Variants in SCN3A observed in about 807,000 individuals in gnomAD.
SCN3A encodes the protein sodium channel protein type 3 subunit alpha.
A neutral mutation model predicts 187.6 loss-of-function variants in SCN3A; 60 were observed. That is an observed-to-expected ratio of 0.32 (90% CI 0.26 to 0.40). The LOEUF (loss-of-function observed/expected upper bound fraction) is 0.40, where lower values mean the gene tolerates loss of function less well. SCN3A is among the 10% of genes least tolerant of loss of function. The pLI is 1.00. For missense variants in SCN3A, 1,601 were observed against 2,428.2 expected (o/e 0.66, Z 7.16); for synonymous variants, 788 against 829.2 (o/e 0.95, Z 0.85).
At chr2:165,131,557 GT>G (rs1038123766) in intron 15 of SCN3A, 140 bp from the exon 16 acceptor site, 4 of 436,908 alleles carry the variant, frequency 9.2e-6, no homozygotes, top group Non-Finnish European at 1.6e-5. Context: ...TCAAGTCTTA[GT>G]TTTTTTATTT....
At chr2:165,170,332 C>T in intron 4 of SCN3A, 98 bp downstream of exon 4, 3 of 774,660 alleles carry the variant, frequency 3.9e-6, no homozygotes, top group Non-Finnish European at 6.9e-6. Context: ...TACCATTAAT[C>T]TCAAAGAAAT....
chr2:165,125,441 C>T (rs993222765), intron 18 of SCN3A, among the ~76,000 whole-genome samples: 8 of 151,986 alleles, frequency 5.3e-5, no homozygotes, highest in Admixed American at 1.3e-4. Flanking sequence ...GTAGCTGGGA[C>T]TACAGGTGCC....
Position 165,176,372 on chromosome 2 carries a change from G to T in SCN3A, c.23C>A (p.Pro8His). Residue 8 changes from proline to histidine, a missense_variant, in exon 3 of 28, where the codon CCC becomes CAC. Pro to His is a moderately conservative substitution (Grantham distance 77). Around this residue, in one of 11 missense-constraint regions of SCN3A, gnomAD observed 74 missense variants for 77.7 expected, o/e 0.95. Transcript: ENST00000283254. ...AAGGCGGAAGCTTTCAGGTCCTGGGGGTACCAACAGTGCCTGTGCCATCTT... is the reference window on the plus strand; with the variant it reads ...AAGGCGGAAGCTTTCAGGTCCTGGGTGTACCAACAGTGCCTGTGCCATCTT... MAQALLVPPGPESFRLFT... is the reference protein window; with the variant it reads MAQALLVHPGPESFRLFT... 1 of 1,613,958 alleles carries T rather than the reference G, an allele frequency of 6.2e-7. No individual in the cohort carries two copies. Among genetic ancestry groups the T allele is most frequent in the Non-Finnish European group, 8.5e-7 (1 of 1,179,950 alleles).
At chr2:165,167,482 C>G (rs1042128176) in intron 5 of SCN3A, among the ~76,000 whole-genome samples, 1 of 152,040 alleles carries the variant, frequency 6.6e-6, no homozygotes, top group East Asian at 1.9e-4. Flanking sequence ...ATTTGTTACA[C>G]TATCTTATCT....
At chr2:165,144,457 T>C (rs1688203028) in intron 12 of SCN3A, among the ~76,000 whole-genome samples, 1 of 152,194 alleles carries the variant, frequency 6.6e-6, no homozygotes, top group East Asian at 1.9e-4. Context: ...TGCCTGTCTG[T>C]GGTTCACTCA....
Position 165,097,300 on chromosome 2 carries a change from T to G in SCN3A, c.4191A>C (p.Lys1397Asn), listed in dbSNP as rs1055802917. The G allele has an allele frequency of 1.2e-5, 19 of 1,613,960 alleles. No homozygotes were observed. The highest frequency in any genetic ancestry group is 1.6e-5 in the Non-Finnish European group (19 of 1,179,988). ...LGKQARWKNV[K>N]VNFDNVGAGY... ...CAGCGCCAACATTATCAAAGTTTAC[T>G]TTCACGTTTTTCCACCGAGCTTGCT... Residue 1397 changes from lysine (K) to asparagine (N), a missense_variant, in exon 23 of 28, where the codon AAA (lysine) becomes AAC (asparagine). By Grantham distance (94) the Lys-to-Asn change is moderately conservative. Coordinates refer to ENST00000283254, the MANE Select transcript of SCN3A (RefSeq NM_006922.4).
At chr2:165,168,700 G>A in intron 5 of SCN3A, 36 bp downstream of exon 5, 1 of 1,351,498 alleles carries the variant, frequency 7.4e-7, no homozygotes, top group Non-Finnish European at 1.1e-6. Context: ...GAATTTGAGT[G>A]TGCATTTCTC....
chr2:165,197,592 T>C (rs1392776535), intron 1 of SCN3A, among the ~76,000 whole-genome samples: 1 of 151,824 alleles, frequency 6.6e-6, no homozygotes, highest in East Asian at 1.9e-4. Flanking sequence ...CTGTGTTTTT[T>C]TTTTTTCTCC....
chr2:165,096,718 A>G (rs1473199976), intron 23 of SCN3A, among the ~76,000 whole-genome samples, 198 bp from the exon 24 acceptor site: 1 of 152,016 alleles, frequency 6.6e-6, no homozygotes, highest in Non-Finnish European at 1.5e-5. Context: ...TTTTTTCTTG[A>G]AAGTATTCTA....
At chr2:165,138,897 G>A (rs1687824717) in intron 14 of SCN3A, among the ~76,000 whole-genome samples, 1 of 152,162 alleles carries the variant, frequency 6.6e-6, no homozygotes, top group Non-Finnish European at 1.5e-5. Flanking sequence ...TGTGATGTAT[G>A]AACAAGTTTA....
chr2:165,115,316 C>T (rs931737617), intron 19 of SCN3A, 139 bp downstream of exon 19: 18 of 958,318 alleles, frequency 1.9e-5, no homozygotes, highest in African/African-American at 4.9e-5. Flanking sequence ...ATCCTCCTAC[C>T]GTAGCCTCCC....
chr2:165,165,959 C>G (rs1689730803), intron 5 of SCN3A, among the ~76,000 whole-genome samples: 1 of 152,174 alleles, frequency 6.6e-6, no homozygotes, highest in Admixed American at 6.5e-5. Flanking sequence ...TTTACAATAT[C>G]AAGCTTATGT....
intron 2 of SCN3A, among the ~76,000 whole-genome samples, chr2:165,176,870 T>A (rs1690503800): frequency 6.6e-6 from 1 of 152,196 alleles, no homozygotes; most frequent in South Asian, 2.1e-4. Context: ...TTATTCTGCA[T>A]CCTGCCCCCC....
chr2:165,148,869 ACT>A (rs1193523998), intron 11 of SCN3A, among the ~76,000 whole-genome samples: 32 of 152,106 alleles, frequency 2.1e-4, no homozygotes, highest in African/African-American at 6.8e-4. Flanking sequence ...ACATTTTATA[ACT>A]CTGACTATAT....
chr2:165,131,735 A>G (rs973981407), intron 15 of SCN3A, among the ~76,000 whole-genome samples: 3 of 144,416 alleles, frequency 2.1e-5, no homozygotes, highest in Admixed American at 2.1e-4. Flanking sequence ...ATATCTCCTA[A>G]TGCTATCCCT....
In SCN3A at chr2:165,163,516, A is replaced by G. The variant is rs542098611; in HGVS notation, c.694+102T>C. 68 of 1,328,574 alleles carry G rather than the reference A, an allele frequency of 5.1e-5. 1 individual carries two copies. The South Asian group carries it at 7.6e-4, about 15-fold the overall frequency. The allele number at this position is 1,328,574 out of a possible 1,614,324, so 82.3% of individuals were successfully genotyped here. A position where few individuals can be genotyped will look rare whatever the true frequency, so the allele number is the denominator to read the frequency against. On this transcript the variant is annotated intron_variant, in intron 7 of 27. Coordinates refer to ENST00000283254, the MANE Select transcript of SCN3A (RefSeq NM_006922.4). ...ACATCATTTGGCATTATTTAACGGG[A>G]TGAACTGTAATAATAAGCAACAAGG... is the stretch of plus-strand genomic sequence containing the variant.
chr2:165,168,632 T>A (rs1559256229), intron 5 of SCN3A, 104 bp downstream of exon 5: 1 of 852,352 alleles, frequency 1.2e-6, no homozygotes, highest in South Asian at 1.4e-5. Flanking sequence ...AAAATAACTT[T>A]TTCTTAGACA....
At chr2:165,141,574 T>C (rs532338379) in intron 12 of SCN3A, among the ~76,000 whole-genome samples, 1 of 152,242 alleles carries the variant, frequency 6.6e-6, no homozygotes, top group Non-Finnish European at 1.5e-5. Flanking sequence ...ACTCTTTCTC[T>C]GAAACTGTTT....
intron 11 of SCN3A, 37 bp from the exon 12 acceptor site, chr2:165,147,066 A>G: frequency 2.5e-6 from 4 of 1,612,200 alleles, no homozygotes; most frequent in Non-Finnish European, 3.4e-6. Flanking sequence ...TTTAGAACAC[A>G]GAGCTTTGAA....
Sources: gnomAD v4.1 joint callset for allele counts (sites outside exome capture counted in the v4.1 genomes callset) on GRCh38, gnomAD v4.1.1 for gene constraint, gnomAD v4.1.1 regional missense constraint, MANE v1.5 for transcripts, NCBI Gene and HGNC (gene_info 2026-07-23, HGNC 2026-07-21) for gene names.